CMSS1: variants seen among roughly 807,000 people sequenced by gnomAD.
CMSS1 encodes protein CMSS1.
A neutral mutation model predicts 43.5 loss-of-function variants in CMSS1; 33 were observed. The ratio of observed to expected loss-of-function variants is 0.76; its 90% CI spans 0.57 to 1.01. The LOEUF (loss-of-function observed/expected upper bound fraction) is 1.01. Ranked by LOEUF, CMSS1 falls within the 50% of genes least tolerant of loss-of-function variation. The pLI, the probability that CMSS1 is intolerant of heterozygous loss-of-function variation, is 0.00. For missense variants in CMSS1, 313 were observed against 326.4 expected, an observed-to-expected ratio of 0.96 and a Z score of 0.32; for synonymous variants, 115 against 117.2, an observed-to-expected ratio of 0.98 and a Z score of 0.12.
At chr3:100,116,460 C>G (rs1222200662) in intron 1 of CMSS1, among the ~76,000 whole-genome samples, 2 of 152,114 alleles carry the variant, frequency 1.3e-5, no homozygotes, top group Non-Finnish European at 2.9e-5. Flanking sequence ...AGAAAATGTT[C>G]CATAAGCATC....
intron 1 of CMSS1, among the ~76,000 whole-genome samples, chr3:100,025,113 C>T (rs139181471): frequency 2.6e-5 from 4 of 152,098 alleles, no homozygotes; most frequent in Admixed American, 6.5e-5. Flanking sequence ...GGGAGTTAAT[C>T]GAGGCCGTAA....
intron 1 of CMSS1, among the ~76,000 whole-genome samples, chr3:99,945,397 G>C (rs939924831): frequency 6.6e-6 from 1 of 152,138 alleles, no homozygotes; most frequent in Non-Finnish European, 1.5e-5. Flanking sequence ...GATTGAGCTT[G>C]GGGGTTCCAC....
chr3:99,983,414 ATATATGTATGTATGTATG>A, intron 1 of CMSS1, among the ~76,000 whole-genome samples: 1 of 95,008 alleles, frequency 1.1e-5, no homozygotes, highest in Non-Finnish European at 2.1e-5. Context: ...ATATATATAT[ATATATGTATGTATGTATG>A]TATATATATG....
At chr3:100,050,344 C>G (rs766775845) in intron 1 of CMSS1, among the ~76,000 whole-genome samples, 20 of 151,976 alleles carry the variant, frequency 1.3e-4, no homozygotes, top group Non-Finnish European at 4.4e-5. Context: ...TCAGAGAAAG[C>G]CATATCTTTT....
At chr3:100,142,524 A>G (rs2066813678) in intron 1 of CMSS1, among the ~76,000 whole-genome samples, 1 of 152,174 alleles carries the variant, frequency 6.6e-6, no homozygotes, top group Non-Finnish European at 1.5e-5. Flanking sequence ...TGGTAGGTGA[A>G]ACAGGTCCTG....
At chr3:100,029,312 G>GTT (rs1237618377) in intron 1 of CMSS1, among the ~76,000 whole-genome samples, 1 of 151,866 alleles carries the variant, frequency 6.6e-6, no homozygotes, top group Non-Finnish European at 1.5e-5. Flanking sequence ...GAAAAGCTTT[G>GTT]TTTTAGTCAC....
intron 1 of CMSS1, among the ~76,000 whole-genome samples, chr3:99,881,130 C>T (rs1424819152): frequency 6.6e-6 from 1 of 152,020 alleles, no homozygotes; most frequent in Non-Finnish European, 1.5e-5. Context: ...ACTTCCTACC[C>T]TTGGTTTACA....
intron 1 of CMSS1, among the ~76,000 whole-genome samples, chr3:99,824,812 A>G (rs1264500965): frequency 6.6e-6 from 1 of 152,238 alleles, no homozygotes; most frequent in Non-Finnish European, 1.5e-5. Flanking sequence ...ATAAGCCTGT[A>G]ATTTTTACTG....
chr3:99,854,002 G>A (rs1236842139), intron 1 of CMSS1, among the ~76,000 whole-genome samples: 1 of 152,224 alleles, frequency 6.6e-6, no homozygotes, highest in African/African-American at 2.4e-5. Context: ...GGTTGTACAT[G>A]TGTGTCAGAG....
At chr3:99,861,838 C>G (rs1268428750) in intron 1 of CMSS1, among the ~76,000 whole-genome samples, 1 of 152,152 alleles carries the variant, frequency 6.6e-6, no homozygotes, top group African/African-American at 2.4e-5. Flanking sequence ...GTTTTTGCAG[C>G]TGAATCCCGG....
chr3:99,969,934 A>G (rs143950616), intron 1 of CMSS1, among the ~76,000 whole-genome samples: 145 of 152,352 alleles, frequency 9.5e-4, no homozygotes, highest in African/African-American at 3.2e-3. Context: ...ATGAGAAAAG[A>G]TAATTGGATA....
At chr3:99,958,230 T>C (rs185820330) in intron 1 of CMSS1, among the ~76,000 whole-genome samples, 1 of 146,484 alleles carries the variant, frequency 6.8e-6, no homozygotes, top group Non-Finnish European at 1.5e-5. Context: ...TTATTATTAT[T>C]ATTATTATTA....
chr3:99,843,094 CTT>C (rs1164880314), intron 1 of CMSS1, among the ~76,000 whole-genome samples: 1 of 152,242 alleles, frequency 6.6e-6, no homozygotes, highest in Admixed American at 6.5e-5. Flanking sequence ...TAGTAAACTA[CTT>C]GTCTTCCTTG....
chr3:100,085,724 G>A (rs1008487027), intron 1 of CMSS1, among the ~76,000 whole-genome samples: 6 of 152,144 alleles, frequency 3.9e-5, no homozygotes, highest in South Asian at 2.1e-4. Context: ...TGTCATTTTT[G>A]TCTGTCATCT....
chr3:100,079,403 A>G (rs2065898553), intron 1 of CMSS1, among the ~76,000 whole-genome samples: 1 of 152,232 alleles, frequency 6.6e-6, no homozygotes, highest in African/African-American at 2.4e-5. Flanking sequence ...ATATTTGTTG[A>G]CTGATAGTAC....
chr3:99,878,355 A>C (rs1705608113), intron 1 of CMSS1, among the ~76,000 whole-genome samples: 1 of 152,246 alleles, frequency 6.6e-6, no homozygotes, highest in African/African-American at 2.4e-5. Context: ...CATTCTTTTC[A>C]GATAAAGACA....
intron 1 of CMSS1, among the ~76,000 whole-genome samples, chr3:100,022,216 A>C (rs1259262162): frequency 6.6e-6 from 1 of 152,202 alleles, no homozygotes; most frequent in Admixed American, 6.5e-5. Context: ...TTGCAGTAGC[A>C]TTGAGAGAGA....
At chr3:99,957,693 C>CTTTTTTTTTTTTTTT (rs779350496) in intron 1 of CMSS1, among the ~76,000 whole-genome samples, 265 of 19,858 alleles carry the variant, frequency 0.013, 53 homozygotes, top group Middle Eastern at 0.062. Flanking sequence ...TTCTTTCTTT[C>CTTTTTTTTTTTTTTT]TTTTTTTTTT....
chr3:100,047,428 C>G (rs1286017336), intron 1 of CMSS1, among the ~76,000 whole-genome samples: 1 of 152,136 alleles, frequency 6.6e-6, no homozygotes, highest in Non-Finnish European at 1.5e-5. Flanking sequence ...TGACTTAACT[C>G]CAAATTCTAT....
Sources: allele counts gnomAD v4.1 joint callset (sites outside exome capture counted in the v4.1 genomes callset), GRCh38; gene constraint gnomAD v4.1.1; transcripts MANE v1.5; gene names NCBI Gene and HGNC (gene_info 2026-07-23, HGNC 2026-07-21).